MAPK10: variants seen among roughly 807,000 people sequenced by gnomAD.
The protein encoded by MAPK10 is mitogen-activated protein kinase 10.
A neutral mutation model predicts 59.3 loss-of-function variants in MAPK10; 25 were observed. The ratio of observed to expected loss-of-function variants is 0.42; its 90% confidence interval spans 0.31 to 0.59. The LOEUF is 0.59. MAPK10 is among the 20% of genes least tolerant of loss of function. The probability of loss-of-function intolerance (pLI) is 0.15; values close to 1 mark genes in which losing one functional copy is unlikely to be tolerated. For synonymous variants in MAPK10, 190 were observed against 200.5 expected (o/e 0.95, Z 0.44); for missense variants, 351 against 568.9 (o/e 0.62, Z 3.90).
intron 4 of MAPK10, among the ~76,000 whole-genome samples, chr4:86,109,774 T>A (rs1421184981): frequency 6.6e-6 from 1 of 152,226 alleles, no homozygotes; most frequent in African/African-American, 2.4e-5. Context: ...CTGGGTCAAA[T>A]GATATTTCTG....
At chr4:86,435,941 A>G (rs1748661848) in intron 1 of MAPK10, among the ~76,000 whole-genome samples, 1 of 152,262 alleles carries the variant, frequency 6.6e-6, no homozygotes, top group Non-Finnish European at 1.5e-5. Context: ...ATCAAAGTCA[A>G]TATCTAACCA....
intron 2 of MAPK10, among the ~76,000 whole-genome samples, chr4:86,334,328 C>T (rs2096222410): frequency 6.6e-6 from 1 of 152,176 alleles, no homozygotes; most frequent in Admixed American, 6.5e-5. Flanking sequence ...TCAGTCTAGT[C>T]TAGGTCACCA....
chr4:86,457,983 G>C (rs1751384033), upstream of MAPK10: 1 of 152,038 alleles, frequency 6.6e-6, no homozygotes, highest in South Asian at 2.1e-4. Context: ...CCAACATGGA[G>C]AAAACTCATC....
At chr4:86,199,248 T>C (rs753983240) in intron 2 of MAPK10, among the ~76,000 whole-genome samples, 13 of 152,012 alleles carry the variant, frequency 8.6e-5, no homozygotes, top group Non-Finnish European at 1.5e-4. Context: ...AATATTTTTA[T>C]AATAGTGCAA....
At chr4:86,055,634 T>C (rs1176570463) in intron 11 of MAPK10, among the ~76,000 whole-genome samples, 1 of 149,956 alleles carries the variant, frequency 6.7e-6, no homozygotes, top group African/African-American at 2.5e-5. Context: ...TTCAGTGTGA[T>C]AGGCACTGCA....
chr4:86,581,468 G>A (rs75155612), intron 1 of MAPK10, among the ~76,000 whole-genome samples: 7,122 of 152,064 alleles, frequency 0.047, 223 homozygotes, highest in African/African-American at 0.061. Context: ...TTATATTAGT[G>A]CTGTAATAAA....
At chr4:86,420,168 G>A (rs1188373898) in intron 1 of MAPK10, among the ~76,000 whole-genome samples, 2 of 152,220 alleles carry the variant, frequency 1.3e-5, no homozygotes, top group South Asian at 4.1e-4. Context: ...TATCACTTGA[G>A]AGGTAGTAAG....
chr4:86,075,881 A>C (rs910991843), intron 9 of MAPK10, among the ~76,000 whole-genome samples: 10 of 152,234 alleles, frequency 6.6e-5, no homozygotes, highest in African/African-American at 2.4e-4. Flanking sequence ...GGTGGGGCCT[A>C]CAGTGGCAGG....
At position 86,036,822 on chromosome 4, in the gene MAPK10, C is replaced by T. The variant is rs181361578; in HGVS notation, c.1111-5391G>A. ...AATTATTAGTAGCACTTACGCCCTT[C>T]GCTCCTTTAAGTGTTGTGGTTTGGA... On this transcript the variant is annotated intron_variant, in intron 11 of 13. Transcript: ENST00000641462. Among the ~76,000 whole-genome samples the T allele has an allele frequency of 1.8e-3, 271 of 152,264 alleles. 2 individuals carry two copies. The highest frequency in any genetic ancestry group is 6.2e-3 in the African/African-American group (258 of 41,546).
At chr4:86,428,401 CT>C (rs1747588178) in intron 1 of MAPK10, among the ~76,000 whole-genome samples, 1 of 152,142 alleles carries the variant, frequency 6.6e-6, no homozygotes. Context: ...TCAAACAATC[CT>C]CCCACTTTGG....
At chr4:86,458,421 C>A (rs902974780) in intron 1 of MAPK10, among the ~76,000 whole-genome samples, 3 of 151,940 alleles carry the variant, frequency 2.0e-5, no homozygotes, top group African/African-American at 7.3e-5. Context: ...GAGATCATGC[C>A]ATTGCACTCC....
At chr4:86,116,604 G>C (rs78053725) in intron 4 of MAPK10, among the ~76,000 whole-genome samples, 4,343 of 152,240 alleles carry the variant, frequency 0.029, 212 homozygotes, top group African/African-American at 0.1. Context: ...CCACCCTGTG[G>C]GGTTTCTTGG....
chr4:86,535,199 G>A (rs192964101), intron 1 of MAPK10, among the ~76,000 whole-genome samples: 1 of 152,222 alleles, frequency 6.6e-6, no homozygotes, highest in East Asian at 1.9e-4. Context: ...TTGTTTCTGA[G>A]AAGTGATCAC....
intron 2 of MAPK10, among the ~76,000 whole-genome samples, chr4:86,224,004 G>A (rs577418873): frequency 2.3e-4 from 35 of 152,248 alleles, no homozygotes; most frequent in East Asian, 2.1e-3. Context: ...CCTTCCTCTG[G>A]AGGGTGACTT....
chr4:86,519,760 T>C (rs961833615), intron 1 of MAPK10, among the ~76,000 whole-genome samples: 4 of 152,196 alleles, frequency 2.6e-5, no homozygotes, highest in Admixed American at 2.0e-4. Flanking sequence ...TTTTGAGGTT[T>C]TATTTCAAGA....
At chr4:86,417,168 T>G (rs977696880) in intron 1 of MAPK10, among the ~76,000 whole-genome samples, 3 of 152,334 alleles carry the variant, frequency 2.0e-5, no homozygotes, top group Admixed American at 2.0e-4. Context: ...TTTGTTAATT[T>G]TGTACAATGA....
intron 2 of MAPK10, among the ~76,000 whole-genome samples, chr4:86,275,649 A>AC (rs1189261779): frequency 6.6e-6 from 1 of 152,072 alleles, no homozygotes; most frequent in Non-Finnish European, 1.5e-5. Flanking sequence ...GGCCAAAAAA[A>AC]ACACACAATT....
chr4:86,319,799 C>G (rs1049786100), intron 2 of MAPK10, among the ~76,000 whole-genome samples: 1 of 152,218 alleles, frequency 6.6e-6, no homozygotes, highest in Non-Finnish European at 1.5e-5. Flanking sequence ...AGTGCTTCTG[C>G]CTCAAGTCCT....
At chr4:86,251,071 T>C (rs12503520) in intron 2 of MAPK10, among the ~76,000 whole-genome samples, 2,918 of 152,310 alleles carry the variant, frequency 0.019, 44 homozygotes, top group South Asian at 0.064. Context: ...ATTAGAAGCC[T>C]AAAACTGATG....
Sources: gnomAD v4.1 joint callset for allele counts (sites outside exome capture counted in the v4.1 genomes callset) on GRCh38, gnomAD v4.1.1 for gene constraint, MANE v1.5 for transcripts, NCBI Gene and HGNC (gene_info 2026-07-23, HGNC 2026-07-21) for gene names.